Variants in NUP107 observed in about 807,000 individuals in gnomAD.
NUP107 encodes nuclear pore complex protein Nup107.
In NUP107, 101 loss-of-function variants were observed where a neutral mutation model predicts 141.0. The ratio of observed to expected loss-of-function variants is 0.72; its 90% CI spans 0.61 to 0.84. The LOEUF (loss-of-function observed/expected upper bound fraction) is 0.84, where lower values mean the gene tolerates loss of function less well. Ranked by LOEUF, NUP107 falls within the 40% of genes least tolerant of loss-of-function variation. NUP107 has a pLI of 0.00. For synonymous variants in NUP107, 319 were observed against 363.9 expected (o/e 0.88, Z 1.41); for missense variants, 941 against 1,102.7 (o/e 0.85, Z 2.08).
intron 1 of NUP107, among the ~76,000 whole-genome samples, chr12:68,688,737 A>G (rs1483375235): frequency 1.3e-5 from 2 of 152,212 alleles, no homozygotes. Context: ...AGTGAGTACT[A>G]GAAAGTCAGA....
intron 8 of NUP107, chr12:68,706,094 C>A: frequency 5.2e-6 from 4 of 773,374 alleles, no homozygotes; most frequent in Non-Finnish European, 9.4e-6. Context: ...GCTGTACACT[C>A]TGGGCCAAGA....
chr12:68,689,654 A>G, intron 3 of NUP107, 35 bp downstream of exon 3: 1 of 1,303,530 alleles, frequency 7.7e-7, no homozygotes. Flanking sequence ...TTTAATAATA[A>G]CGGTAATTAT....
chr12:68,687,071 C>T lies in NUP107; in HGVS notation c.6C>T (p.Asp2=). 3 of 1,614,170 alleles carry T rather than the reference C, an allele frequency of 1.9e-6. No homozygotes were observed. Among genetic ancestry groups the T allele is most frequent in the Non-Finnish European group, 2.5e-6 (3 of 1,179,984 alleles). The change falls in exon 1 of 28, where the codon GAC becomes GAT. Residue 2 remains aspartate, a splice_region_variant and synonymous_variant. Transcript: ENST00000229179. ...GTGTGGAAAAGGCTTTAGCCATGGACAGGTCAGTACTGATGGTGGCAGCTG... is the reference window on the plus strand; with the variant it reads ...GTGTGGAAAAGGCTTTAGCCATGGATAGGTCAGTACTGATGGTGGCAGCTG... M[D]RSGFGEISSP... is the part of the protein sequence containing the mutation.
chr12:68,689,791 T>C lies in NUP107; in HGVS notation c.187+172T>C. 7.5e-6 allele frequency: 4 copies of C among 529,818 alleles called. No individual in the cohort carries two copies. The South Asian group carries it at 1.1e-4, about 14-fold the overall frequency. The allele number at this position is 529,818 out of a possible 1,614,324, so 32.8% of individuals were successfully genotyped here. On this transcript the variant is annotated intron_variant, in intron 3 of 27. Coordinates refer to ENST00000229179, the MANE Select transcript of NUP107 (RefSeq NM_020401.4). ...TTGCCATGTACAAGGTACTGTACTTTCCATAAACACACGGTAACTATGACA... is the reference window on the plus strand; with the variant it reads ...TTGCCATGTACAAGGTACTGTACTTCCCATAAACACACGGTAACTATGACA...
Position 68,696,978 on chromosome 12 carries a change from A to G in NUP107, c.552+56A>G, listed in dbSNP as rs1274799523. 1.5e-5 allele frequency: 16 copies of G among 1,047,050 alleles called. No homozygotes were observed. The East Asian group carries it at 1.7e-4, about 11-fold the overall frequency. The allele number at this position is 1,047,050 out of a possible 1,614,324, so 64.9% of individuals were successfully genotyped here. A position where few individuals can be genotyped will look rare whatever the true frequency, so the allele number is the denominator to read the frequency against. The stretch of plus-strand genomic sequence containing the variant: ...ACTTCAGTATTTTTAGTTTTCATAA[A>G]CAGCATTAACCTAATTTTCATAGTG... On this transcript the variant is annotated intron_variant, in intron 6 of 27. Coordinates refer to ENST00000229179, the MANE Select transcript of NUP107 (RefSeq NM_020401.4).
At chr12:68,702,912 C>T (rs1260808919) in intron 8 of NUP107, 128 bp downstream of exon 8, 3 of 462,224 alleles carry the variant, frequency 6.5e-6, no homozygotes, top group Non-Finnish European at 1.1e-5. Context: ...GGCGTGATCT[C>T]GGCTCACTGC....
chr12:68,732,596 C>T (rs79783706), intron 22 of NUP107, 41 bp from the exon 23 acceptor site: 5 of 1,221,338 alleles, frequency 4.1e-6, no homozygotes, highest in Non-Finnish European at 5.7e-6. Flanking sequence ...AAAAAAAAAA[C>T]TCTGATATTC....
intron 7 of NUP107, among the ~76,000 whole-genome samples, chr12:68,702,250 A>G (rs1021440014): frequency 2.0e-5 from 3 of 151,992 alleles, no homozygotes; most frequent in Non-Finnish European, 2.9e-5. Context: ...CGGCCTCCCA[A>G]AGTGCTAGGA....
At chr12:68,726,370 A>G (rs943029191) in intron 18 of NUP107, 129 bp from the exon 19 acceptor site, 2 of 635,768 alleles carry the variant, frequency 3.1e-6, no homozygotes, top group African/African-American at 3.7e-5. Flanking sequence ...GTAGAGTTAT[A>G]TCATGGCTAT....
intron 5 of NUP107, 26 bp downstream of exon 5, chr12:68,692,138 A>T (rs1283872007): frequency 1.9e-6 from 3 of 1,546,154 alleles, no homozygotes; most frequent in African/African-American, 2.8e-5. Flanking sequence ...GCTTTGTGAC[A>T]AGTAGCTTTT....
chr12:68,724,327 CAT>C (rs1327708091), intron 17 of NUP107, among the ~76,000 whole-genome samples: 1 of 151,878 alleles, frequency 6.6e-6, no homozygotes, highest in Non-Finnish European at 1.5e-5. Context: ...TAAAATAAGA[CAT>C]AAATAAATAG....
chr12:68,729,600 C>T (rs1877726503), intron 20 of NUP107, among the ~76,000 whole-genome samples: 1 of 151,668 alleles, frequency 6.6e-6, no homozygotes, highest in South Asian at 2.1e-4. Context: ...TGCACCACCA[C>T]GCCTGGCTAA....
At chr12:68,731,744 G>A (rs750330265) in intron 22 of NUP107, 25 bp downstream of exon 22, 2 of 1,230,078 alleles carry the variant, frequency 1.6e-6, no homozygotes, top group African/African-American at 3.1e-5. Flanking sequence ...GGGGGCAGAG[G>A]TTTCTATAAC....
In NUP107 at chr12:68,742,994, A is replaced by T. The variant is rs1452175012; in HGVS notation, c.*532A>T. On this transcript the variant is annotated 3_prime_UTR_variant, in exon 28 of 28. Coordinates refer to ENST00000229179, the MANE Select transcript of NUP107 (RefSeq NM_020401.4). ...CCTATCAAAATAAGAGCATATAAAG[A>T]CTTAGCGTAGTACCTGGCACACAGT... 6.6e-6 allele frequency: 1 copy of T among 152,558 alleles called. No individual in the cohort carries two copies. Among genetic ancestry groups the T allele is most frequent in the East Asian group, 1.9e-4 (1 of 5,230 alleles). The allele number at this position is 152,558 out of a possible 1,614,324, so 9.5% of individuals were successfully genotyped here. A position where few individuals can be genotyped will look rare whatever the true frequency, so the allele number is the denominator to read the frequency against.
intron 5 of NUP107, among the ~76,000 whole-genome samples, chr12:68,692,854 A>T (rs1398384223): frequency 6.7e-6 from 1 of 149,234 alleles, no homozygotes; most frequent in Non-Finnish European, 1.5e-5. Context: ...GGTTTAAATG[A>T]TTCTCCTGCC....
intron 7 of NUP107, 108 bp from the exon 8 acceptor site, chr12:68,702,628 A>AT (rs1876385129): frequency 1.1e-5 from 8 of 707,216 alleles, no homozygotes; most frequent in Non-Finnish European, 1.7e-5. Flanking sequence ...ATAATAAAAA[A>AT]TTTTTAAAAA....
At chr12:68,738,554 ACTTACTTGCTTGGCC>A (rs1878176952) in intron 26 of NUP107, among the ~76,000 whole-genome samples, 1 of 151,892 alleles carries the variant, frequency 6.6e-6, no homozygotes, top group Non-Finnish European at 1.5e-5. Context: ...TTTCAGCCCC[ACTTACTTGCTTGGCC>A]AGCCACCCTT....
At chr12:68,698,399 T>G (rs1296727245) in intron 6 of NUP107, among the ~76,000 whole-genome samples, 1 of 152,246 alleles carries the variant, frequency 6.6e-6, no homozygotes, top group East Asian at 1.9e-4. Context: ...GTCTGCAGTT[T>G]CATACAAAAC....
At chr12:68,731,767 T>C in intron 22 of NUP107, 48 bp downstream of exon 22, 1 of 1,018,998 alleles carries the variant, frequency 9.8e-7, no homozygotes, top group Non-Finnish European at 1.5e-6. Flanking sequence ...CTAATAATCT[T>C]TTATGTTATT....
Sources: allele counts gnomAD v4.1 joint callset (sites outside exome capture counted in the v4.1 genomes callset), GRCh38; gene constraint gnomAD v4.1.1; transcripts MANE v1.5; gene names NCBI Gene and HGNC (gene_info 2026-07-23, HGNC 2026-07-21).